The following MTCH1 variants were observed in gnomAD, a reference collection of about 807,000 sequenced individuals.
MTCH1 encodes mitochondrial carrier 1, also known as mitochondrial carrier homolog 1.
In MTCH1, 23 loss-of-function variants were observed where a neutral mutation model predicts 49.3. The ratio of observed to expected loss-of-function variants is 0.47; its 90% CI spans 0.34 to 0.66. The LOEUF (loss-of-function observed/expected upper bound fraction) is 0.66. MTCH1 is among the 30% of genes least tolerant of loss of function. The probability of loss-of-function intolerance (pLI) is 0.01; values close to 1 mark genes in which losing one functional copy is unlikely to be tolerated. For missense variants in MTCH1, 397 were observed against 532.1 expected (o/e 0.75, Z 2.50); for synonymous variants, 229 against 215.2 (o/e 1.06, Z -0.56).
At chr6:36,973,686 T>C (rs780032591) in intron 7 of MTCH1, among the ~76,000 whole-genome samples, 19 of 152,318 alleles carry the variant, frequency 1.2e-4, no homozygotes, top group Non-Finnish European at 2.8e-4. Flanking sequence ...CAAAATCACA[T>C]GGGGAGAAAG....
upstream of MTCH1, chr6:36,986,430 G>A: frequency 3.1e-6 from 1 of 325,516 alleles, no homozygotes; most frequent in Non-Finnish European, 5.5e-6. Context: ...GCAGGCCGGG[G>A]CGCTCCCCCG....
In MTCH1 at chr6:36,975,882, T is replaced by C. The variant is rs143108628; in HGVS notation, c.702-165A>G. Among the ~76,000 whole-genome samples the C allele has an allele frequency of 1.4e-3, 209 of 152,144 alleles. 1 individual carries two copies. The highest frequency in any genetic ancestry group is 0.014 in the Middle Eastern group (4 of 294). On this transcript the variant is annotated intron_variant, in intron 6 of 11. Transcript: ENST00000373627. ...AACCAAGTAGAAAGGCAAAGAGCGC[T>C]TGTTCAGGGTGAGGAGGAGTTTACA...
chr6:36,975,545 G>A (rs900641947), intron 7 of MTCH1, 113 bp downstream of exon 7: 7 of 1,012,274 alleles, frequency 6.9e-6, no homozygotes, highest in African/African-American at 4.7e-5. Context: ...TCAGGCTAGG[G>A]CAGGGCCATG....
At chr6:36,975,831 G>GATTT in intron 6 of MTCH1, 114 bp from the exon 7 acceptor site, 1 of 867,370 alleles carries the variant, frequency 1.2e-6, no homozygotes, top group Non-Finnish European at 1.9e-6. Flanking sequence ...GTCCTGGCAG[G>GATTT]GATGGGGAGG....
rs1476336430 is a variant in MTCH1, at chr6:36,977,013, G to A, written c.701+186C>T. 6.6e-6 allele frequency among the ~76,000 whole-genome samples: 1 copy of A among 152,168 alleles called. No individual in the cohort carries two copies. The highest frequency in any genetic ancestry group is 1.5e-5 in the Non-Finnish European group (1 of 68,022). ...TCTAGGGCTGCCCTTGATAAGAGATGACGAAGAGAAAATGACCCTGGACAG... is the reference window on the plus strand; with the variant it reads ...TCTAGGGCTGCCCTTGATAAGAGATAACGAAGAGAAAATGACCCTGGACAG... On this transcript the variant is annotated intron_variant, in intron 6 of 11. Coordinates refer to ENST00000373627, the MANE Select transcript of MTCH1 (RefSeq NM_001271641.2). The surrounding 1 kb of genome is among the most constrained non-coding windows in gnomAD (Gnocchi z 5.4).
intron 8 of MTCH1, chr6:36,970,920 C>A: frequency 1.7e-6 from 1 of 587,686 alleles, no homozygotes; most frequent in Non-Finnish European, 3.1e-6. Context: ...GAGGGATCAG[C>A]TGCCGCTGCC....
At position 36,982,595 on chromosome 6, in the gene MTCH1, G is replaced by T. The variant is rs570894328; in HGVS notation, c.322-923C>A. Reference sequence around the variant, plus strand: ...GTAGAGACGGGGTTTCTCCATGTTGGTCAGGCTGGTCTCGAACTCCCGACC... The same window carrying T: ...GTAGAGACGGGGTTTCTCCATGTTGTTCAGGCTGGTCTCGAACTCCCGACC... On this transcript the variant is annotated intron_variant, in intron 1 of 11. Coordinates refer to ENST00000373627, the MANE Select transcript of MTCH1 (RefSeq NM_001271641.2). This position sits in a 1 kb window ranked among gnomAD's most constrained non-coding sequence, Gnocchi z 4.1. Among the ~76,000 whole-genome samples the T allele has an allele frequency of 1.3e-5, 2 of 152,240 alleles. No individual in the cohort carries two copies. The highest frequency in any genetic ancestry group is 2.9e-5 in the Non-Finnish European group (2 of 68,004).
At chr6:36,980,749 G>A (rs558323745) in intron 2 of MTCH1, among the ~76,000 whole-genome samples, 98 of 152,326 alleles carry the variant, frequency 6.4e-4, no homozygotes, top group African/African-American at 2.3e-3. Context: ...GGATTTGCCT[G>A]CAATGGAACT....
rs569966798 is a variant in MTCH1, at chr6:36,982,532, C to T, written c.322-860G>A. Among the ~76,000 whole-genome samples the T allele has an allele frequency of 4.6e-4, 70 of 152,192 alleles. No homozygotes were observed. The highest frequency in any genetic ancestry group is 1.7e-3 in the African/African-American group (70 of 41,526). On this transcript the variant is annotated intron_variant, in intron 1 of 11. Transcript: ENST00000373627. The surrounding 1 kb of genome is among the most constrained non-coding windows in gnomAD (Gnocchi z 4.1). Reference sequence around the variant, plus strand: ...CCTCCCAAGTAGCTGGGAATACAAGCACCCGCCACCATACCCGGCAAATTT... The same window carrying T: ...CCTCCCAAGTAGCTGGGAATACAAGTACCCGCCACCATACCCGGCAAATTT...
At position 36,986,096 on chromosome 6, in the gene MTCH1, G is replaced by A. The variant is rs945967429; in HGVS notation, c.78C>T (p.Ala26=). ...CCGCCGCCGCTCCGCCGCGAGCTCCGGCTCCAGCTCCGGCTCCCGCCATCC... is the reference window on the plus strand; with the variant it reads ...CCGCCGCCGCTCCGCCGCGAGCTCCAGCTCCAGCTCCGGCTCCCGCCATCC... The part of the protein sequence containing the change: ...AAGMAGAGAG[A]GARGGAAAGV... Residue 26 remains alanine, a synonymous_variant, in exon 1 of 12, where the codon GCC becomes GCT. Transcript: ENST00000373627. The A allele has an allele frequency of 7.7e-5, 111 of 1,437,102 alleles. 1 individual carries two copies. Among genetic ancestry groups the A allele is most frequent in the Non-Finnish European group, 9.5e-5 (105 of 1,106,680 alleles). 89.0% of individuals were successfully genotyped at this position (1,437,102 alleles called of 1,614,324 possible). A position where few individuals can be genotyped will look rare whatever the true frequency, so the allele number is the denominator to read the frequency against.
At chr6:36,981,832 C>T (rs867814918) in intron 1 of MTCH1, among the ~76,000 whole-genome samples, 160 bp from the exon 2 acceptor site, 2 of 152,182 alleles carry the variant, frequency 1.3e-5, no homozygotes, top group African/African-American at 4.8e-5. Flanking sequence ...CCAGAAAGCT[C>T]GTCAGTGTCT....
intron 7 of MTCH1, among the ~76,000 whole-genome samples, chr6:36,973,389 A>G (rs1171785057): frequency 2.6e-5 from 4 of 152,046 alleles, no homozygotes; most frequent in East Asian, 1.9e-4. Context: ...GTTTTTTACA[A>G]TGTGTTTGCT....
chr6:36,969,078 G>T, intron 11 of MTCH1, 104 bp from the exon 12 acceptor site: 1 of 1,506,530 alleles, frequency 6.6e-7, no homozygotes. Context: ...GGAGCTCAAA[G>T]ACCCAGCTCC....
At chr6:36,970,607 C>G in intron 9 of MTCH1, 40 bp downstream of exon 9, 2 of 1,613,656 alleles carry the variant, frequency 1.2e-6, no homozygotes, top group South Asian at 1.1e-5. Context: ...CGCTTGGGTC[C>G]GCAAGGCAGT....
chr6:36,975,869 A>T (rs763238358), intron 6 of MTCH1, 152 bp from the exon 7 acceptor site: 18 of 678,326 alleles, frequency 2.7e-5, no homozygotes, highest in Non-Finnish European at 4.4e-5. Flanking sequence ...CCAAGTAGAA[A>T]GGCAAAGAGC....
chr6:36,986,270 G>C, upstream of MTCH1: 2 of 1,141,262 alleles, frequency 1.8e-6, no homozygotes, highest in Non-Finnish European at 2.3e-6. Flanking sequence ...TCCAGGCCGC[G>C]GGGGAGCTCG....
intron 2 of MTCH1, 117 bp downstream of exon 2, chr6:36,981,471 C>T: frequency 1.1e-6 from 1 of 892,566 alleles, no homozygotes; most frequent in Non-Finnish European, 1.7e-6. Context: ...CTCCTCCATG[C>T]CAGCTCGACT....
chr6:36,970,097 G>A lies in MTCH1; in HGVS notation c.1040C>T (p.Pro347Leu). The A allele has an allele frequency of 6.2e-7, 1 of 1,614,054 alleles. No homozygotes were observed. ...GGATTTGAACACTGGGGAGTAAGGG[G>A]GGAGCCCAGCTTGCAGCCTGCCGGA... is the stretch of plus-strand genomic sequence containing the variant. ...VNNCGLQAGL[P>L]PYSPVFKSWI... is the part of the protein sequence containing the mutation. The change falls in exon 11 of 12, where the codon CCC becomes CTC. Residue 347 changes from proline to leucine, a missense_variant. This residue lies in a region of MTCH1 where 252 missense variants were observed against 388.3 expected (regional missense o/e 0.65). Coordinates refer to ENST00000373627, the MANE Select transcript of MTCH1 (RefSeq NM_001271641.2).
rs981854373 is a variant in MTCH1 at position 36,977,135 on chromosome 6, G to A, written c.701+64C>T. ...AAGGTGCAGCAACCAATCCCAGCAC[G>A]GCCTGCCCTGGCCGACTCTGAAAGG... On this transcript the variant is annotated intron_variant, in intron 6 of 11. Coordinates refer to ENST00000373627, the MANE Select transcript of MTCH1 (RefSeq NM_001271641.2). The surrounding 1 kb of genome is among the most constrained non-coding windows in gnomAD (Gnocchi z 5.4). 1.0e-5 allele frequency: 16 copies of A among 1,550,682 alleles called. No individual in the cohort carries two copies. In the East Asian group the frequency reaches 1.3e-4, roughly 13 times the overall value.
Sources: allele counts gnomAD v4.1 joint callset (sites outside exome capture counted in the v4.1 genomes callset), GRCh38; gene constraint gnomAD v4.1.1; regional missense constraint gnomAD v4.1.1; non-coding constraint Gnocchi (gnomAD v3.1); transcripts MANE v1.5; gene names NCBI Gene and HGNC (gene_info 2026-07-23, HGNC 2026-07-21).